The following MMP28 variants were observed in gnomAD, a reference collection of about 807,000 sequenced individuals.
MMP28 encodes matrix metallopeptidase 28.
In MMP28, 55 loss-of-function variants were observed where a neutral mutation model predicts 60.5. The observed-to-expected ratio is 0.91, with a 90% CI of 0.73 to 1.14. The LOEUF (loss-of-function observed/expected upper bound fraction) is 1.14, where lower values mean the gene tolerates loss of function less well. Ranked by LOEUF, MMP28 falls within the 50% of genes most tolerant of loss-of-function variation. MMP28 has a pLI of 0.00. For synonymous variants in MMP28, 318 were observed against 312.5 expected, an observed-to-expected ratio of 1.02 and a Z score of -0.18; for missense variants, 686 against 738.3, an observed-to-expected ratio of 0.93 and a Z score of 0.82.
downstream of MMP28, chr17:35,764,409 C>G (rs1555602296): frequency 5.3e-6 from 8 of 1,517,692 alleles, no homozygotes; most frequent in African/African-American, 1.1e-4. Context: ...CACTGAGCGC[C>G]TGGTCCCCGC....
chr17:35,792,691 TC>T (rs1436018827), intron 1 of MMP28, among the ~76,000 whole-genome samples: 1 of 152,202 alleles, frequency 6.6e-6, no homozygotes, highest in African/African-American at 2.4e-5. Flanking sequence ...ACATATTTTG[TC>T]CTGTATTATT....
intron 1 of MMP28, among the ~76,000 whole-genome samples, chr17:35,781,004 C>G (rs1240617081): frequency 6.6e-6 from 1 of 152,164 alleles, no homozygotes; most frequent in African/African-American, 2.4e-5. Flanking sequence ...GAATGAGAAG[C>G]TTGCCATGCA....
At chr17:35,767,676 T>A in intron 7 of MMP28, 76 bp downstream of exon 7, 1 of 1,509,894 alleles carries the variant, frequency 6.6e-7, no homozygotes, top group Admixed American at 2.1e-5. Flanking sequence ...TTCCCCTCTT[T>A]TGTCCTCTTT....
chr17:35,778,557 GA>G, intron 3 of MMP28: 2 of 421,996 alleles, frequency 4.7e-6, no homozygotes, highest in Non-Finnish European at 8.5e-6. Context: ...GAATTCTGAT[GA>G]AAATAACTTC....
downstream of MMP28, among the ~76,000 whole-genome samples, chr17:35,763,438 CTTTTTTTTTT>C (rs782005643): frequency 5.9e-5 from 6 of 101,516 alleles, no homozygotes; most frequent in African/African-American, 1.2e-4. Flanking sequence ...CCATGCCCAG[CTTTTTTTTTT>C]TTTTTTTTTT....
At chr17:35,763,326 G>C (rs868979337), downstream of MMP28, among the ~76,000 whole-genome samples, 10 of 151,948 alleles carry the variant, frequency 6.6e-5, no homozygotes, top group Admixed American at 2.0e-4. Context: ...ACCTAGGCTG[G>C]AGTGTGGTGG....
At chr17:35,758,428 A>C (rs2085764328) in intron 2 of MMP28, 1 of 152,210 alleles carries the variant, frequency 6.6e-6, no homozygotes, top group Admixed American at 6.5e-5. Flanking sequence ...ATGGTGGCTC[A>C]CACCTGTAGT....
At chr17:35,761,749 C>T (rs894973211), downstream of MMP28, among the ~76,000 whole-genome samples, 3 of 152,176 alleles carry the variant, frequency 2.0e-5, no homozygotes, top group South Asian at 2.1e-4. Flanking sequence ...GAATGTTCAG[C>T]GGCTCCTCAC....
At chr17:35,756,428 A>G in intron 2 of MMP28, 2 of 984,984 alleles carry the variant, frequency 2.0e-6, no homozygotes, top group Non-Finnish European at 2.4e-6. Flanking sequence ...GGCTGCAGTA[A>G]AGCAGAACAG....
intron 1 of MMP28, among the ~76,000 whole-genome samples, chr17:35,790,296 C>T (rs1261038634): frequency 1.3e-5 from 2 of 152,026 alleles, no homozygotes; most frequent in Non-Finnish European, 2.9e-5. Flanking sequence ...AACTCTTGAC[C>T]TCAAATGATC....
chr17:35,773,158 G>A (rs1460059337), intron 4 of MMP28, 22 bp downstream of exon 4: 1 of 1,608,482 alleles, frequency 6.2e-7, no homozygotes, highest in African/African-American at 1.3e-5. Flanking sequence ...TGCTGTGCGG[G>A]AGGGAGGCTT....
At chr17:35,780,646 C>T (rs112820665) in intron 1 of MMP28, among the ~76,000 whole-genome samples, 59 of 151,984 alleles carry the variant, frequency 3.9e-4, no homozygotes, top group African/African-American at 1.3e-3. Flanking sequence ...ACCAGCCTGG[C>T]CAACATGGCG....
At chr17:35,761,666 C>G (rs1313085722), downstream of MMP28, among the ~76,000 whole-genome samples, 1 of 152,184 alleles carries the variant, frequency 6.6e-6, no homozygotes, top group Non-Finnish European at 1.5e-5. Context: ...TGTAATGACT[C>G]CTAAGTGGGG....
At chr17:35,793,433 T>C (rs1244391252) in intron 1 of MMP28, among the ~76,000 whole-genome samples, 4 of 152,122 alleles carry the variant, frequency 2.6e-5, no homozygotes, top group African/African-American at 9.7e-5. Flanking sequence ...GACTCTGTAC[T>C]TGATGTTGTA....
chr17:35,756,521 A>C (rs2085740259), intron 2 of MMP28: 1 of 728,392 alleles, frequency 1.4e-6, no homozygotes, highest in Admixed American at 7.6e-5. Context: ...CCCAGGCTGG[A>C]GTGCAGAGGA....
At chr17:35,764,519 C>T, downstream of MMP28, 1 of 1,598,122 alleles carries the variant, frequency 6.3e-7, no homozygotes, top group African/African-American at 1.4e-5. Flanking sequence ...TCCTCTTCTG[C>T]AAGAAATGCA....
At chr17:35,763,670 G>A (rs1456640757), downstream of MMP28, among the ~76,000 whole-genome samples, 1 of 151,772 alleles carries the variant, frequency 6.6e-6, no homozygotes, top group East Asian at 1.9e-4. Context: ...GCCGAAAAGG[G>A]CAAATCACCT....
At chr17:35,769,581 A>C (rs1459715637) in intron 5 of MMP28, among the ~76,000 whole-genome samples, 1 of 152,094 alleles carries the variant, frequency 6.6e-6, no homozygotes, top group East Asian at 1.9e-4. Flanking sequence ...TGAGCCCACC[A>C]CCAGGCAGAG....
intron 1 of MMP28, among the ~76,000 whole-genome samples, chr17:35,790,585 TTGGGA>T (rs1299266855): frequency 6.6e-6 from 1 of 152,192 alleles, no homozygotes; most frequent in African/African-American, 2.4e-5. Context: ...CTATTCATTA[TTGGGA>T]GAGTGGTGTT....
Sources: gnomAD v4.1 joint callset for allele counts (sites outside exome capture counted in the v4.1 genomes callset) on GRCh38, gnomAD v4.1.1 for gene constraint, MANE v1.5 for transcripts, NCBI Gene and HGNC (gene_info 2026-07-23, HGNC 2026-07-21) for gene names.